The following SPOCK1 variants were observed in gnomAD, a reference collection of about 807,000 sequenced individuals.
The protein encoded by SPOCK1 is testican-1.
SPOCK1 carries 23 observed loss-of-function variants against 55.3 expected under a neutral mutation model. The ratio of observed to expected loss-of-function variants is 0.42; its 90% CI spans 0.30 to 0.59. The LOEUF (loss-of-function observed/expected upper bound fraction) is 0.59. SPOCK1 is among the 20% of genes least tolerant of loss of function. The pLI is 0.22. For synonymous variants in SPOCK1, 226 were observed against 221.0 expected, an observed-to-expected ratio of 1.02 and a Z score of -0.20; for missense variants, 499 against 552.5, an observed-to-expected ratio of 0.90 and a Z score of 0.97.
At chr5:137,012,920 AAAG>A (rs2126975514) in intron 6 of SPOCK1, among the ~76,000 whole-genome samples, 1 of 152,360 alleles carries the variant, frequency 6.6e-6, no homozygotes, top group African/African-American at 2.4e-5. Flanking sequence ...AAAATTTGCC[AAAG>A]AAGAATATTA....
intron 3 of SPOCK1, among the ~76,000 whole-genome samples, chr5:137,258,389 C>A (rs1018863015): frequency 6.6e-6 from 1 of 152,200 alleles, no homozygotes; most frequent in African/African-American, 2.4e-5. Context: ...AGGAGCTTAA[C>A]AAAACAAAAC....
chr5:137,114,226 G>A (rs1299470520), intron 4 of SPOCK1, among the ~76,000 whole-genome samples: 1 of 152,198 alleles, frequency 6.6e-6, no homozygotes, highest in Non-Finnish European at 1.5e-5. Flanking sequence ...CACCTTGCTT[G>A]TTCAACTTGC....
At chr5:137,101,244 T>C (rs1250825068) in intron 5 of SPOCK1, among the ~76,000 whole-genome samples, 1 of 152,238 alleles carries the variant, frequency 6.6e-6, no homozygotes, top group Non-Finnish European at 1.5e-5. Flanking sequence ...TAGCACTGTG[T>C]CTATTCATTC....
At chr5:137,379,049 G>A (rs1580894136) in intron 2 of SPOCK1, among the ~76,000 whole-genome samples, 1 of 152,012 alleles carries the variant, frequency 6.6e-6, no homozygotes, top group South Asian at 2.1e-4. Context: ...TCCCCTGGGA[G>A]CCCTGCAGTG....
chr5:137,013,588 A>G (rs1219030834), intron 6 of SPOCK1, among the ~76,000 whole-genome samples: 1 of 152,136 alleles, frequency 6.6e-6, no homozygotes, highest in African/African-American at 2.4e-5. Flanking sequence ...CATATCTATG[A>G]TCTATGTGTA....
Position 137,251,053 on chromosome 5 carries a change from T to C in SPOCK1, c.232+15957A>G, listed in dbSNP as rs548500450. Among the ~76,000 whole-genome samples, 188 of 152,306 alleles carry C rather than the reference T, an allele frequency of 1.2e-3. 1 individual carries two copies. The highest frequency in any genetic ancestry group is 4.4e-3 in the African/African-American group (183 of 41,560). ...TTGCATCAGAATCAACCAGAGGGCT[T>C]GTTTCAACATAGATTGCTGGCCCCC... is the stretch of plus-strand genomic sequence containing the variant. On this transcript the variant is annotated intron_variant, in intron 3 of 10. Coordinates refer to ENST00000394945, the MANE Select transcript of SPOCK1 (RefSeq NM_004598.4).
chr5:137,444,325 C>A (rs1053158745), intron 2 of SPOCK1, among the ~76,000 whole-genome samples: 2 of 152,208 alleles, frequency 1.3e-5, no homozygotes, highest in African/African-American at 4.8e-5. Context: ...CTCCTCCACT[C>A]CCACCCTCTC....
At chr5:137,006,504 T>C (rs781424082) in intron 6 of SPOCK1, among the ~76,000 whole-genome samples, 1 of 152,156 alleles carries the variant, frequency 6.6e-6, no homozygotes, top group African/African-American at 2.4e-5. Context: ...TGGTTCTCTA[T>C]TATTGGTGTA....
intron 2 of SPOCK1, among the ~76,000 whole-genome samples, chr5:137,460,835 A>C (rs1026491035): frequency 5.3e-5 from 8 of 152,098 alleles, no homozygotes; most frequent in African/African-American, 1.9e-4. Flanking sequence ...AACACACCAT[A>C]TTCATTCCCA....
chr5:137,472,335 G>C (rs1753752776), intron 2 of SPOCK1, among the ~76,000 whole-genome samples: 1 of 151,656 alleles, frequency 6.6e-6, no homozygotes, highest in Admixed American at 6.6e-5. Flanking sequence ...GATTCTGCCA[G>C]GAAAAAGGGG....
intron 2 of SPOCK1, among the ~76,000 whole-genome samples, chr5:137,477,584 G>A (rs1271480711): frequency 2.6e-5 from 4 of 152,142 alleles, no homozygotes; most frequent in Non-Finnish European, 1.5e-5. Context: ...CCAGCCTTCT[G>A]GCTAAGATAT....
intron 2 of SPOCK1, among the ~76,000 whole-genome samples, chr5:137,285,773 T>C (rs903057347): frequency 5.3e-5 from 8 of 152,136 alleles, no homozygotes; most frequent in Non-Finnish European, 1.0e-4. Context: ...TGTTCAGGCA[T>C]GGAAGAGCCC....
chr5:137,206,872 G>A (rs955443873), intron 3 of SPOCK1, among the ~76,000 whole-genome samples: 1 of 152,146 alleles, frequency 6.6e-6, no homozygotes. Flanking sequence ...TTACAGTCAA[G>A]GAAACTGAGA....
intron 4 of SPOCK1, among the ~76,000 whole-genome samples, chr5:137,118,120 A>G (rs1482301439): frequency 6.6e-6 from 1 of 152,246 alleles, no homozygotes; most frequent in Non-Finnish European, 1.5e-5. Flanking sequence ...ACAAGTTAAC[A>G]GTACTGCCCA....
At chr5:137,496,850 T>C (rs1754309820) in intron 2 of SPOCK1, among the ~76,000 whole-genome samples, 1 of 152,154 alleles carries the variant, frequency 6.6e-6, no homozygotes, top group Non-Finnish European at 1.5e-5. Flanking sequence ...ACCCTAGTAG[T>C]TATTATGTAT....
intron 2 of SPOCK1, among the ~76,000 whole-genome samples, chr5:137,496,831 C>T (rs1171126215): frequency 2.0e-5 from 3 of 152,132 alleles, no homozygotes; most frequent in African/African-American, 7.2e-5. Context: ...GGCATATCTA[C>T]TGCAAAAGAC....
rs1352976942 is a variant in SPOCK1 at position 136,976,503 on chromosome 5, AT to A, written c.*2150del. On this transcript the variant is annotated 3_prime_UTR_variant, in exon 11 of 11. Coordinates refer to ENST00000394945, the MANE Select transcript of SPOCK1 (RefSeq NM_004598.4). ...AAGTGAAATCAATTTTTCAATTTTAATTTGTTCTCTTGTACATTTTCCTAAG... is the reference window on the plus strand; with the variant it reads ...AAGTGAAATCAATTTTTCAATTTTAATTGTTCTCTTGTACATTTTCCTAAG... The A allele has an allele frequency of 1.3e-5, 2 of 152,612 alleles. No individual in the cohort carries two copies. The highest frequency in any genetic ancestry group is 1.3e-4 in the Admixed American group (2 of 15,290). The allele number at this position is 152,612 out of a possible 1,614,324, so 9.5% of individuals were successfully genotyped here. A position where few individuals can be genotyped will look rare whatever the true frequency, so the allele number is the denominator to read the frequency against.
chr5:137,217,956 C>CAG (rs1561474919), intron 3 of SPOCK1, among the ~76,000 whole-genome samples: 1 of 152,176 alleles, frequency 6.6e-6, no homozygotes, highest in African/African-American at 2.4e-5. Context: ...ATCTATATTT[C>CAG]TACATAGGTA....
At chr5:137,097,607 T>G (rs1367596297) in intron 5 of SPOCK1, among the ~76,000 whole-genome samples, 1 of 152,156 alleles carries the variant, frequency 6.6e-6, no homozygotes, top group African/African-American at 2.4e-5. Context: ...CAACTGAGTG[T>G]GCAAAAACAT....
Sources: allele counts gnomAD v4.1 joint callset (sites outside exome capture counted in the v4.1 genomes callset), GRCh38; gene constraint gnomAD v4.1.1; transcripts MANE v1.5; gene names NCBI Gene and HGNC (gene_info 2026-07-23, HGNC 2026-07-21).